The following EPHB1 variants were observed in gnomAD, a reference collection of about 807,000 sequenced individuals.
EPHB1 encodes the protein EPH receptor B1.
In EPHB1, 30 loss-of-function variants were observed where a neutral mutation model predicts 94.4. The ratio of observed to expected loss-of-function variants is 0.32; its 90% confidence interval spans 0.24 to 0.43. The LOEUF (loss-of-function observed/expected upper bound fraction) is 0.43. EPHB1 is among the 20% of genes least tolerant of loss of function. The pLI, the probability that EPHB1 is intolerant of heterozygous loss-of-function variation, is 1.00. For synonymous variants in EPHB1, 522 were observed against 489.1 expected, an observed-to-expected ratio of 1.07 and a Z score of -0.89; for missense variants, 1,055 against 1,308.3, an observed-to-expected ratio of 0.81 and a Z score of 2.99.
chr3:134,795,611 C>T lies in EPHB1; in HGVS notation c.-21C>T, dbSNP rs1210868581. ...CGCTGCTGCCTCGGCTTGGTCTCGG[C>T]CTGCGGGCCGTCGGCCGGCGATGGC... On this transcript the variant is annotated 5_prime_UTR_variant, in exon 1 of 16. Coordinates refer to ENST00000398015, the MANE Select transcript of EPHB1 (RefSeq NM_004441.5). 1.9e-6 allele frequency: 3 copies of T among 1,603,512 alleles called. No homozygotes were observed. In the African/African-American group the frequency reaches 4.1e-5, roughly 22 times the overall value.
intron 3 of EPHB1, among the ~76,000 whole-genome samples, chr3:134,969,198 C>A (rs1380157473): frequency 6.6e-6 from 1 of 152,144 alleles, no homozygotes; most frequent in African/African-American, 2.4e-5. Context: ...TTTATCTTAG[C>A]CATTCTACTA....
intron 12 of EPHB1, among the ~76,000 whole-genome samples, chr3:135,219,994 G>A (rs1943238884): frequency 6.6e-6 from 1 of 152,138 alleles, no homozygotes; most frequent in Admixed American, 6.5e-5. Flanking sequence ...GGGTAACTAG[G>A]CCCTTCAATT....
chr3:135,059,607 G>A (rs1375147471), intron 3 of EPHB1, among the ~76,000 whole-genome samples: 2 of 152,236 alleles, frequency 1.3e-5, no homozygotes, highest in African/African-American at 4.8e-5. Flanking sequence ...GGAGTTCGTT[G>A]ACTGTGATGG....
At chr3:135,113,426 A>C (rs947229737) in intron 4 of EPHB1, among the ~76,000 whole-genome samples, 3 of 152,178 alleles carry the variant, frequency 2.0e-5, no homozygotes, top group Admixed American at 1.3e-4. Context: ...TTTGTTTCAG[A>C]ATTTCACAAG....
At chr3:134,973,893 G>C (rs1934081145) in intron 3 of EPHB1, among the ~76,000 whole-genome samples, 1 of 152,174 alleles carries the variant, frequency 6.6e-6, no homozygotes, top group Non-Finnish European at 1.5e-5. Context: ...TCAAGGCTTG[G>C]CCTGGAGAGT....
At chr3:134,949,702 C>G (rs1932938566) in intron 2 of EPHB1, among the ~76,000 whole-genome samples, 1 of 152,124 alleles carries the variant, frequency 6.6e-6, no homozygotes, top group African/African-American at 2.4e-5. Flanking sequence ...TTCATTTTCA[C>G]TTTAGGAAGT....
intron 1 of EPHB1, among the ~76,000 whole-genome samples, chr3:134,919,745 C>T (rs112292208): frequency 1.1e-4 from 16 of 152,228 alleles, no homozygotes; most frequent in African/African-American, 2.9e-4. Flanking sequence ...GACCCAGCCA[C>T]GCACACCCTT....
chr3:134,904,431 G>T (rs2038273127), intron 1 of EPHB1, among the ~76,000 whole-genome samples: 1 of 152,290 alleles, frequency 6.6e-6, no homozygotes, highest in African/African-American at 2.4e-5. Context: ...TGGTGGAGGG[G>T]TGCCTGCGAG....
rs1010030032 is a variant in EPHB1, at chr3:135,259,995, C to T, written c.*875C>T. The T allele has an allele frequency of 3.0e-5, 7 of 231,574 alleles. No individual in the cohort carries two copies. The highest frequency in any genetic ancestry group is 1.2e-4 in the East Asian group (2 of 16,404). 14.3% of individuals were successfully genotyped at this position (231,574 alleles called of 1,614,324 possible). On this transcript the variant is annotated 3_prime_UTR_variant, in exon 16 of 16. Coordinates refer to ENST00000398015, the MANE Select transcript of EPHB1 (RefSeq NM_004441.5). ...GGTTTGGCTTTCTGGTTGGCCCAAT[C>T]GGCCTATTGGCTCAATGGGAAGAGA... is the stretch of plus-strand genomic sequence containing the variant.
chr3:135,022,655 C>T (rs1227926061), intron 3 of EPHB1, among the ~76,000 whole-genome samples: 1 of 152,182 alleles, frequency 6.6e-6, no homozygotes, highest in Non-Finnish European at 1.5e-5. Flanking sequence ...TTCATAAGCA[C>T]AGTACCATAT....
chr3:135,119,285 C>T (rs1047221133), intron 4 of EPHB1, among the ~76,000 whole-genome samples: 1 of 152,096 alleles, frequency 6.6e-6, no homozygotes, highest in African/African-American at 2.4e-5. Flanking sequence ...TCTGTGGATA[C>T]TTGTTTTGTC....
At chr3:135,253,625 A>G (rs1482670565) in intron 15 of EPHB1, among the ~76,000 whole-genome samples, 2 of 146,684 alleles carry the variant, frequency 1.4e-5, no homozygotes, top group East Asian at 2.0e-4. Context: ...GCCTTGTAGT[A>G]TAGTTTGAAG....
At chr3:135,166,595 C>T (rs1396383513) in intron 8 of EPHB1, among the ~76,000 whole-genome samples, 3 of 152,314 alleles carry the variant, frequency 2.0e-5, no homozygotes, top group African/African-American at 7.2e-5. Flanking sequence ...CACGCAAAGC[C>T]CTGTAGTTGG....
At chr3:135,025,123 TTCCTTCCTTCCTTCCC>T (rs1197648205) in intron 3 of EPHB1, among the ~76,000 whole-genome samples, 1 of 72,520 alleles carries the variant, frequency 1.4e-5, no homozygotes, top group African/African-American at 5.7e-5. Flanking sequence ...CCCTCCCCCC[TTCCTTCCTTCCTTCCC>T]TCCTTCCTTC....
chr3:134,843,043 A>T (rs569904268), intron 1 of EPHB1, among the ~76,000 whole-genome samples: 3 of 152,262 alleles, frequency 2.0e-5, no homozygotes, highest in African/African-American at 7.2e-5. Flanking sequence ...TTCATCTTGA[A>T]TAACATTCTT....
chr3:134,893,348 T>A (rs9839573), intron 1 of EPHB1, among the ~76,000 whole-genome samples: 1 of 151,922 alleles, frequency 6.6e-6, no homozygotes, highest in Non-Finnish European at 1.5e-5. Context: ...ACTTCAGTGG[T>A]TTCCTTTTGC....
chr3:135,227,486 T>C (rs1046013347), intron 12 of EPHB1, among the ~76,000 whole-genome samples: 1 of 152,156 alleles, frequency 6.6e-6, no homozygotes, highest in Non-Finnish European at 1.5e-5. Flanking sequence ...TACATAATGA[T>C]CTACTCATAG....
chr3:134,925,914 T>A (rs2038782869), intron 2 of EPHB1, 34 bp downstream of exon 2: 1 of 1,565,394 alleles, frequency 6.4e-7, no homozygotes, highest in African/African-American at 1.4e-5. Flanking sequence ...TCAGTCCTGC[T>A]ATGAGGTCCT....
chr3:135,183,757 C>A (rs1576453104), intron 10 of EPHB1, among the ~76,000 whole-genome samples: 1 of 152,212 alleles, frequency 6.6e-6, no homozygotes, highest in South Asian at 2.1e-4. Flanking sequence ...ATCCTGAGAA[C>A]AAGGGGAAAG....
Sources: allele counts gnomAD v4.1 joint callset (sites outside exome capture counted in the v4.1 genomes callset), GRCh38; gene constraint gnomAD v4.1.1; transcripts MANE v1.5; gene names NCBI Gene and HGNC (gene_info 2026-07-23, HGNC 2026-07-21).